Variants in MGA observed in about 807,000 individuals in gnomAD.
The protein encoded by MGA is MAX gene-associated protein.
In MGA, 40 loss-of-function variants were observed where a neutral mutation model predicts 261.1. The observed-to-expected ratio is 0.15, with a 90% CI of 0.12 to 0.20. The LOEUF (loss-of-function observed/expected upper bound fraction) is 0.20, where lower values mean the gene tolerates loss of function less well. Ranked by LOEUF, MGA falls within the 10% of genes least tolerant of loss-of-function variation. The pLI, the probability that MGA is intolerant of heterozygous loss-of-function variation, is 1.00. For missense variants in MGA, 3,397 were observed against 3,630.5 expected (o/e 0.94, Z 1.65); for synonymous variants, 1,302 against 1,290.6 (o/e 1.01, Z -0.19).
chr15:41,726,291 G>A (rs2061243591), intron 9 of MGA, among the ~76,000 whole-genome samples: 1 of 152,142 alleles, frequency 6.6e-6, no homozygotes, highest in Non-Finnish European at 1.5e-5. Flanking sequence ...CTGTACCATG[G>A]GAATGATACC....
At chr15:41,622,013 A>G (rs1168843060) in intron 1 of MGA, among the ~76,000 whole-genome samples, 4 of 113,846 alleles carry the variant, frequency 3.5e-5, no homozygotes, top group African/African-American at 1.4e-4. Context: ...CGAGGTTGGC[A>G]GCGCGTGCTG....
At chr15:41,646,218 T>G (rs554915087) in intron 1 of MGA, among the ~76,000 whole-genome samples, 1 of 152,340 alleles carries the variant, frequency 6.6e-6, no homozygotes, top group African/African-American at 2.4e-5. Context: ...CTTTCCTTGC[T>G]TGGCTAATAG....
At chr15:41,746,972 T>TAAAAA (rs11406312) in intron 15 of MGA, among the ~76,000 whole-genome samples, 2 of 149,444 alleles carry the variant, frequency 1.3e-5, no homozygotes. Context: ...CTCTTTGATC[T>TAAAAA]AAAAAAAAAA....
At chr15:41,704,994 T>C (rs181105486) in intron 5 of MGA, among the ~76,000 whole-genome samples, 5 of 152,328 alleles carry the variant, frequency 3.3e-5, no homozygotes, top group African/African-American at 7.2e-5. Flanking sequence ...TAAACTGACA[T>C]GTAGACAAGA....
At position 41,739,805 on chromosome 15, in the gene MGA, A is replaced by G. The variant is rs961755138; in HGVS notation, c.4435-248A>G. The stretch of plus-strand genomic sequence containing the variant: ...TCTTTTTCCCTTTTAAATCTGAAAA[A>G]TAGACTTATGAAAACTTGTAAAAAT... On this transcript the variant is annotated intron_variant, in intron 13 of 23. Transcript: ENST00000219905. 8.5e-6 allele frequency: 10 copies of G among 1,171,730 alleles called. 1 individual carries two copies. In the Middle Eastern group the frequency reaches 1.7e-3, roughly 194 times the overall value. The allele number at this position is 1,171,730 out of a possible 1,614,324, so 72.6% of individuals were successfully genotyped here. A position where few individuals can be genotyped will look rare whatever the true frequency, so the allele number is the denominator to read the frequency against.
intron 1 of MGA, among the ~76,000 whole-genome samples, chr15:41,627,043 A>G (rs2056473004): frequency 6.6e-6 from 1 of 152,038 alleles, no homozygotes; most frequent in East Asian, 1.9e-4. Flanking sequence ...AGTAGCTGGG[A>G]TTACAGGCGT....
At chr15:41,682,656 G>A (rs550717703) in intron 2 of MGA, among the ~76,000 whole-genome samples, 1 of 151,380 alleles carries the variant, frequency 6.6e-6, no homozygotes, top group South Asian at 2.1e-4. Context: ...AATTTTTGTG[G>A]TTTTGGTAGA....
rs749143121 is a variant in MGA at position 41,748,681 on chromosome 15, A to G, written c.5257A>G (p.Asn1753Asp). 2 of 1,613,966 alleles carry G rather than the reference A, an allele frequency of 1.2e-6. No homozygotes were observed. The highest frequency in any genetic ancestry group is 2.2e-5 in the South Asian group (2 of 91,082). The change falls in exon 16 of 24, where the codon AAC becomes GAC. Residue 1753 changes from asparagine to aspartate, a missense_variant. Coordinates refer to ENST00000219905, the MANE Select transcript of MGA (RefSeq NM_001164273.2). ...AGTGGCTACTCCACAGGTCTCTCCT[A>G]ACACAGTGAAACGTGCTGGACCTCG...
At chr15:41,633,623 A>G (rs1421106662) in intron 1 of MGA, among the ~76,000 whole-genome samples, 1 of 151,528 alleles carries the variant, frequency 6.6e-6, no homozygotes, top group African/African-American at 2.4e-5. Context: ...GGTTTTTGCC[A>G]TGTTGCCCAG....
intron 1 of MGA, among the ~76,000 whole-genome samples, chr15:41,632,580 A>G (rs1466975885): frequency 6.6e-6 from 1 of 152,180 alleles, no homozygotes; most frequent in Non-Finnish European, 1.5e-5. Context: ...GAAGCCCTCC[A>G]ATCAGACCTT....
intron 1 of MGA, among the ~76,000 whole-genome samples, chr15:41,663,755 G>A (rs1450153754): frequency 6.6e-6 from 1 of 152,042 alleles, no homozygotes; most frequent in Non-Finnish European, 1.5e-5. Context: ...ACAAGCGCGA[G>A]CCACCGCTCC....
At chr15:41,744,471 C>A (rs1273742864) in intron 15 of MGA, among the ~76,000 whole-genome samples, 1 of 152,152 alleles carries the variant, frequency 6.6e-6, no homozygotes, top group Non-Finnish European at 1.5e-5. Context: ...GCTGGGATTA[C>A]AGGCGTGAGC....
Position 41,754,567 on chromosome 15 carries a change from C to G in MGA, c.7139C>G (p.Pro2380Arg). The G allele has an allele frequency of 6.4e-7, 1 of 1,566,642 alleles. No individual in the cohort carries two copies. Among genetic ancestry groups the G allele is most frequent in the African/African-American group, 1.4e-5 (1 of 73,352 alleles). Residue 2380 changes from proline (P) to arginine (R), a missense_variant and splice_region_variant, in exon 18 of 24, where the codon CCG becomes CGG. Pro to Arg is a moderately radical substitution (Grantham distance 103). Coordinates refer to ENST00000219905, the MANE Select transcript of MGA (RefSeq NM_001164273.2). ...GCCCACACACAGTCATTCAAACAGCCGTAAGTCTTATTTCTCTTTGGATTG... is the reference window on the plus strand; with the variant it reads ...GCCCACACACAGTCATTCAAACAGCGGTAAGTCTTATTTCTCTTTGGATTG...
intron 1 of MGA, among the ~76,000 whole-genome samples, chr15:41,623,133 A>C (rs987042201): frequency 6.6e-6 from 1 of 152,244 alleles, no homozygotes; most frequent in South Asian, 2.1e-4. Context: ...GCAGTTTTAC[A>C]TGATTCCAAC....
chr15:41,629,703 T>C (rs1244721944), intron 1 of MGA, among the ~76,000 whole-genome samples: 1 of 152,118 alleles, frequency 6.6e-6, no homozygotes, highest in Non-Finnish European at 1.5e-5. Flanking sequence ...CACTCCAGCC[T>C]GCGCGACAAA....
intron 14 of MGA, among the ~76,000 whole-genome samples, chr15:41,741,788 T>C (rs1473012888): frequency 6.6e-6 from 1 of 152,106 alleles, no homozygotes; most frequent in Non-Finnish European, 1.5e-5. Context: ...CTCATTTCAC[T>C]GCAGCATCCA....
chr15:41,648,169 T>C lies in MGA; in HGVS notation c.-67-20659T>C, dbSNP rs565542830. The stretch of plus-strand genomic sequence containing the variant: ...TCTGGCACCTGACCTGAATATGCAG[T>C]GATGCACAAAATAGACATGGTTATT... On this transcript the variant is annotated intron_variant, in intron 1 of 8. Transcript: ENST00000566718. Among the ~76,000 whole-genome samples, 68 of 152,362 alleles carry C rather than the reference T, an allele frequency of 4.5e-4. No homozygotes were observed. The South Asian group carries it at 0.011, about 24-fold the overall frequency.
intron 2 of MGA, among the ~76,000 whole-genome samples, chr15:41,672,652 CT>C (rs1363097054): frequency 6.6e-6 from 1 of 152,156 alleles, no homozygotes; most frequent in Non-Finnish European, 1.5e-5. Flanking sequence ...TATATGTAAA[CT>C]TTTTTTCTAA....
At chr15:41,643,550 T>C (rs2056870729) in intron 1 of MGA, among the ~76,000 whole-genome samples, 1 of 152,026 alleles carries the variant, frequency 6.6e-6, no homozygotes, top group South Asian at 2.1e-4. Flanking sequence ...CTGGCTCCCA[T>C]TTTTAAAGTG....
Sources: gnomAD v4.1 joint callset for allele counts (sites outside exome capture counted in the v4.1 genomes callset) on GRCh38, gnomAD v4.1.1 for gene constraint, MANE v1.5 for transcripts, NCBI Gene and HGNC (gene_info 2026-07-23, HGNC 2026-07-21) for gene names.